BCORL1: variants seen among roughly 807,000 people sequenced by gnomAD.
BCORL1 encodes BCL6 corepressor like 1.
Under a neutral mutation model 87.6 loss-of-function variants are expected in BCORL1, and 7 were observed. The observed-to-expected ratio is 0.08, with a 90% CI of 0.05 to 0.15. BCORL1 has a LOEUF of 0.15. Ranked by LOEUF, BCORL1 falls within the 10% of genes least tolerant of loss-of-function variation. BCORL1 has a pLI of 1.00. For missense variants in BCORL1, 1,215 were observed against 1,499.7 expected, an observed-to-expected ratio of 0.81 and a Z score of 3.13; for synonymous variants, 591 against 634.4, an observed-to-expected ratio of 0.93 and a Z score of 1.03.
Position 130,013,665 on chromosome X carries a change from C to G in BCORL1, c.893C>G (p.Ser298Trp). Residue 298 changes from serine to tryptophan, a missense_variant, in exon 4 of 14, where the codon TCG becomes TGG. Ser to Trp is a radical substitution (Grantham distance 177, BLOSUM62 -3). Transcript: ENST00000540052. ...SAPPSGPVPLSAPAPAPLSVP... is the reference protein window; with the variant it reads ...SAPPSGPVPLWAPAPAPLSVP... ...CCCCCTTCAGGCCCGGTTCCCTTGTCGGCTCCAGCTCCTGCCCCGCTTTCA... is the reference window on the plus strand; with the variant it reads ...CCCCCTTCAGGCCCGGTTCCCTTGTGGGCTCCAGCTCCTGCCCCGCTTTCA... The G allele has an allele frequency of 8.3e-7, 1 of 1,211,490 alleles. No individual in the cohort carries two copies. The highest frequency in any genetic ancestry group is 1.1e-6 in the Non-Finnish European group (1 of 895,504).
At chrX:130,041,162 G>C (rs1246276113) in intron 11 of BCORL1, among the ~76,000 whole-genome samples, 1 of 109,410 alleles carries the variant, frequency 9.1e-6, no homozygotes, top group East Asian at 2.8e-4. Context: ...CTTCCGGCCA[G>C]GAGTTTGAGA....
Position 130,013,128 on chromosome X carries a change from G to C in BCORL1, c.356G>C (p.Gly119Ala). The change falls in exon 4 of 14, where the codon GGA becomes GCA. Residue 119 changes from glycine (G) to alanine (A), a missense_variant. Coordinates refer to ENST00000540052, the MANE Select transcript of BCORL1 (RefSeq NM_001379451.1). Reference protein sequence around the residue: ...EGLLVPLSSPGDGLKLPASDS... With the variant: ...EGLLVPLSSPADGLKLPASDS... ...CTCTTGGTGCCCCTGAGCAGCCCAG[G>C]AGACGGGCTCAAGCTTCCCGCATCT... is the stretch of plus-strand genomic sequence containing the variant. 8.3e-7 allele frequency: 1 copy of C among 1,210,651 alleles called. No homozygotes were observed. The highest frequency in any genetic ancestry group is 1.1e-6 in the Non-Finnish European group (1 of 894,392).
At chrX:130,006,286 C>T (rs1161525164) in intron 2 of BCORL1, among the ~76,000 whole-genome samples, 1 of 111,218 alleles carries the variant, frequency 9.0e-6, no homozygotes, top group Non-Finnish European at 1.9e-5. Context: ...TCAAAATGGC[C>T]TTCAGAATTT....
At chrX:130,021,810 G>A (rs1355348276) in intron 5 of BCORL1, among the ~76,000 whole-genome samples, 2 of 110,539 alleles carry the variant, frequency 1.8e-5, no homozygotes, top group African/African-American at 6.6e-5. Flanking sequence ...TTGAGACAGA[G>A]TCTCACTTTG....
intron 9 of BCORL1, among the ~76,000 whole-genome samples, chrX:130,035,211 C>A (rs1205778434): frequency 8.9e-6 from 1 of 112,135 alleles, no homozygotes; most frequent in African/African-American, 3.2e-5. Context: ...TTTAATCTCA[C>A]AGTAAGCCGA....
chrX:130,037,324 A>G, intron 9 of BCORL1, 43 bp from the exon 10 acceptor site: 1 of 1,185,389 alleles, frequency 8.4e-7, no homozygotes. Context: ...AAGTTCAAGA[A>G]TTAGACCTCT....
At chrX:129,987,527 A>C (rs1926733724) in intron 1 of BCORL1, among the ~76,000 whole-genome samples, 2 of 111,753 alleles carry the variant, frequency 1.8e-5, no homozygotes, top group Non-Finnish European at 3.8e-5. Flanking sequence ...GAATGGGGGG[A>C]GGGATTCACT....
At chrX:130,044,907 A>G (rs1443588877) in intron 11 of BCORL1, among the ~76,000 whole-genome samples, 2 of 112,696 alleles carry the variant, frequency 1.8e-5, no homozygotes, top group East Asian at 5.6e-4. Flanking sequence ...TCTGGGTTGT[A>G]AATGTAGATT....
At chrX:130,004,239 T>TG (rs1203834727) in intron 1 of BCORL1, among the ~76,000 whole-genome samples, 6 of 97,367 alleles carry the variant, frequency 6.2e-5, no homozygotes, top group African/African-American at 2.4e-4. Flanking sequence ...CAGAAATGTG[T>TG]GGTTTTTTTT....
chrX:130,047,059 G>C, intron 11 of BCORL1, among the ~76,000 whole-genome samples: 1 of 111,240 alleles, frequency 9.0e-6, no homozygotes, highest in South Asian at 3.8e-4. Context: ...AGGTCTAGCC[G>C]TGTGTTAGCA....
chrX:130,008,493 C>T (rs2074639664), intron 2 of BCORL1, among the ~76,000 whole-genome samples: 1 of 110,756 alleles, frequency 9.0e-6, no homozygotes, highest in African/African-American at 3.3e-5. Context: ...GAACTCCCGA[C>T]CTCTGGTGAT....
chrX:129,984,778 G>A (rs1926464841), intron 1 of BCORL1, among the ~76,000 whole-genome samples: 1 of 112,087 alleles, frequency 8.9e-6, no homozygotes, highest in Non-Finnish European at 1.9e-5. Flanking sequence ...CCGTGGGGGT[G>A]CCCTTCTATT....
intron 5 of BCORL1, 98 bp from the exon 6 acceptor site, chrX:130,022,799 C>G: frequency 5.4e-6 from 4 of 746,776 alleles, no homozygotes; most frequent in African/African-American, 2.1e-5. Flanking sequence ...CAAACTCTTT[C>G]TCAATCTTTC....
intron 4 of BCORL1, among the ~76,000 whole-genome samples, chrX:130,017,661 A>G (rs1237317466): frequency 1.0e-5 from 1 of 99,515 alleles, no homozygotes. Flanking sequence ...TTTTTTTTTG[A>G]GTCAGGGTCT....
At chrX:130,007,754 C>T (rs1246144963) in intron 2 of BCORL1, among the ~76,000 whole-genome samples, 1 of 111,640 alleles carries the variant, frequency 9.0e-6, no homozygotes. Flanking sequence ...GCCGAGATTG[C>T]ACCACTGCAC....
rs779003763 is a variant in BCORL1 at position 130,021,130 on chromosome X, G to A, written c.3587G>A (p.Arg1196Gln). 10 of 1,198,581 alleles carry A rather than the reference G, an allele frequency of 8.3e-6. No homozygotes were observed. The highest frequency in any genetic ancestry group is 3.6e-5 in the African/African-American group (2 of 56,267). ...TKPESQSPGKRADSHEEGSLE... is the reference protein window; with the variant it reads ...TKPESQSPGKQADSHEEGSLE... The stretch of plus-strand genomic sequence containing the variant: ...CCGGAGTCCCAGTCTCCAGGAAAAC[G>A]AGCCGACAGCCACGAGGAAGGTAGG... The change falls in exon 5 of 14, where the codon CGA becomes CAA. Residue 1196 changes from arginine (R) to glutamine (Q), a missense_variant. This residue lies in a region of BCORL1 where 861 missense variants were observed against 1,010.0 expected (regional missense o/e 0.85). Coordinates refer to ENST00000540052, the MANE Select transcript of BCORL1 (RefSeq NM_001379451.1).
intron 1 of BCORL1, among the ~76,000 whole-genome samples, chrX:129,987,396 C>T (rs553654745): frequency 1.8e-5 from 2 of 111,970 alleles, no homozygotes; most frequent in African/African-American, 6.5e-5. Context: ...TGTTAGGGAG[C>T]GGAAAATCTT....
chrX:130,021,143 C>T lies in BCORL1; in HGVS notation c.3600C>T (p.His1200=), dbSNP rs746692970. The T allele has an allele frequency of 1.1e-5, 13 of 1,198,656 alleles. No individual in the cohort carries two copies. The highest frequency in any genetic ancestry group is 7.3e-5 in the South Asian group (4 of 54,999). Residue 1200 remains histidine (H), a synonymous_variant, in exon 5 of 14, where the codon CAC becomes CAT. Transcript: ENST00000540052. The part of the protein sequence containing the change: ...SQSPGKRADS[H]EEGSLEKKAK... ...CTCCAGGAAAACGAGCCGACAGCCA[C>T]GAGGAAGGTAGGCCCCGCGGCCCTG...
chrX:130,006,637 G>C (rs1403456069), intron 2 of BCORL1, among the ~76,000 whole-genome samples: 1 of 111,333 alleles, frequency 9.0e-6, no homozygotes, highest in Non-Finnish European at 1.9e-5. Context: ...GGGATTACAG[G>C]TGTGAGCCAC....
Sources: allele counts gnomAD v4.1 joint callset (sites outside exome capture counted in the v4.1 genomes callset), GRCh38; gene constraint gnomAD v4.1.1; regional missense constraint gnomAD v4.1.1; transcripts MANE v1.5; gene names NCBI Gene and HGNC (gene_info 2026-07-23, HGNC 2026-07-21).